ASB10: variants seen among roughly 807,000 people sequenced by gnomAD.
ASB10 encodes ankyrin repeat and SOCS box protein 10.
A neutral mutation model predicts 35.4 loss-of-function variants in ASB10; 44 were observed. The ratio of observed to expected loss-of-function variants is 1.24; its 90% confidence interval spans 0.98 to 1.60. The LOEUF (loss-of-function observed/expected upper bound fraction) is 1.60. Ranked by LOEUF, ASB10 falls within the 40% of genes most tolerant of loss-of-function variation. The pLI, the probability that ASB10 is intolerant of heterozygous loss-of-function variation, is 0.00. For missense variants in ASB10, 647 were observed against 634.3 expected (o/e 1.02, Z -0.22); for synonymous variants, 294 against 280.4 (o/e 1.05, Z -0.49).
chr7:151,187,291 CAT>C, upstream of ASB10: 1 of 1,508,494 alleles, frequency 6.6e-7, no homozygotes, highest in South Asian at 1.3e-5. The surrounding 1 kb of genome is among the most constrained non-coding windows in gnomAD (Gnocchi z 5.3). Flanking sequence ...CTGGGCTCCA[CAT>C]GACTGTGTTC....
At chr7:151,182,545 T>C (rs1035398711) in intron 2 of ASB10, among the ~76,000 whole-genome samples, 18 of 151,954 alleles carry the variant, frequency 1.2e-4, no homozygotes, top group Admixed American at 5.2e-4. Context: ...GCCACTACAC[T>C]CCAGCTTGGG....
rs1266621360 is a variant in ASB10, at chr7:151,186,545, C to T, written c.431G>A (p.Ser144Asn). ...LLLRRRARPDSAPGGRTALHE... is the reference protein window; with the variant it reads ...LLLRRRARPDNAPGGRTALHE... ...CAGGGCGGTGCGGCCCCCAGGGGCA[C>T]TGTCTGGCCTTGCTCGCCGCCTCAG... Residue 144 changes from serine (S) to asparagine (N), a missense_variant, in exon 2 of 6, where the codon AGT becomes AAT. Transcript: ENST00000420175. The T allele has an allele frequency of 1.2e-6, 2 of 1,604,226 alleles. No individual in the cohort carries two copies. Among genetic ancestry groups the T allele is most frequent in the Non-Finnish European group, 8.5e-7 (1 of 1,176,160 alleles).
Position 151,186,512 on chromosome 7 carries a change from G to T in ASB10, c.464C>A (p.Ala155Asp), listed in dbSNP as rs2150560501. The T allele has an allele frequency of 6.2e-7, 1 of 1,602,728 alleles. No individual in the cohort carries two copies. Among genetic ancestry groups the T allele is most frequent in the South Asian group, 1.1e-5 (1 of 89,346 alleles). ...APGGRTALHE[A>D]CAAGHTACVH... ...ACAGGCAGTGTGGCCTGCAGCACAGGCCTCGTGCAGGGCGGTGCGGCCCCC... is the reference window on the plus strand; with the variant it reads ...ACAGGCAGTGTGGCCTGCAGCACAGTCCTCGTGCAGGGCGGTGCGGCCCCC... Residue 155 changes from alanine (A) to aspartate (D), a missense_variant, in exon 2 of 6, where the codon GCC becomes GAC. Ala to Asp is a moderately radical substitution (Grantham distance 126). Coordinates refer to ENST00000420175, the MANE Select transcript of ASB10 (RefSeq NM_001142459.2).
Position 151,176,161 on chromosome 7 carries a change from G to A in ASB10, c.1355C>T (p.Pro452Leu), listed in dbSNP as rs767432866. The stretch of plus-strand genomic sequence containing the variant: ...CAGCTGCAGGTAGCGGAGCAGGCGC[G>A]GTGGCAGGGGGAGGCGGGGCAGCGC... ...PQALPRLPLPPRLLRYLQLDF... is the reference protein window; with the variant it reads ...PQALPRLPLPLRLLRYLQLDF... The change falls in exon 5 of 6, where the codon CCG becomes CTG. Residue 452 changes from proline to leucine, a missense_variant. Pro to Leu is a moderately conservative substitution (Grantham distance 98). Transcript: ENST00000420175. 1.4e-5 allele frequency: 23 copies of A among 1,611,734 alleles called. No homozygotes were observed. Among genetic ancestry groups the A allele is most frequent in the South Asian group, 5.5e-5 (5 of 91,020 alleles).
At chr7:151,178,537 T>G (rs1317611255) in intron 3 of ASB10, among the ~76,000 whole-genome samples, 1 of 152,224 alleles carries the variant, frequency 6.6e-6, no homozygotes, top group Non-Finnish European at 1.5e-5. Flanking sequence ...CACAGAGCCT[T>G]TTGAGATCTG....
intron 2 of ASB10, among the ~76,000 whole-genome samples, chr7:151,184,398 G>T (rs1243845598): frequency 1.8e-5 from 2 of 111,388 alleles, no homozygotes; most frequent in Non-Finnish European, 3.6e-5. Context: ...GGGCGACAGA[G>T]TAAAAAAAAA....
chr7:151,183,486 C>T (rs547204046), intron 2 of ASB10, among the ~76,000 whole-genome samples: 56 of 152,226 alleles, frequency 3.7e-4, no homozygotes, highest in Non-Finnish European at 6.9e-4. Flanking sequence ...CCACTCACTG[C>T]AACCTCCGCC....
Position 151,187,062 on chromosome 7 carries a change from G to C in ASB10, c.69C>G (p.Leu23=), listed in dbSNP as rs777732135. The C allele has an allele frequency of 9.3e-6, 15 of 1,609,940 alleles. No individual in the cohort carries two copies. The Admixed American group carries it at 2.5e-4, about 27-fold the overall frequency. ...QGEPLDDRHP[L]CARLVEKPSR... ...TGGGCTTCTCCACCAGCCTGGCACA[G>C]AGGGGGTGTCTGTCATCGAGGGGCT... Residue 23 remains leucine, a synonymous_variant, in exon 1 of 6, where the codon CTC becomes CTG. Coordinates refer to ENST00000420175, the MANE Select transcript of ASB10 (RefSeq NM_001142459.2). The surrounding 1 kb of genome is among the most constrained non-coding windows in gnomAD (Gnocchi z 5.3).
intron 3 of ASB10, among the ~76,000 whole-genome samples, chr7:151,177,565 A>T (rs1411823410): frequency 2.1e-5 from 3 of 145,228 alleles, no homozygotes; most frequent in Admixed American, 2.0e-4. Context: ...ATCCAATGCC[A>T]AGTGAGGGTA....
intron 3 of ASB10, among the ~76,000 whole-genome samples, chr7:151,178,093 C>G (rs1801422229): frequency 6.6e-6 from 1 of 152,116 alleles, no homozygotes; most frequent in Non-Finnish European, 1.5e-5. Flanking sequence ...ACTAAAAATA[C>G]AAAAATTAGC....
intron 2 of ASB10, among the ~76,000 whole-genome samples, chr7:151,182,379 A>G (rs2150558257): frequency 6.6e-6 from 1 of 152,254 alleles, no homozygotes; most frequent in East Asian, 1.9e-4. Flanking sequence ...GGAGTTTGAG[A>G]CCAGCCTGGC....
At chr7:151,176,836 T>C (rs1301343561) in intron 3 of ASB10, among the ~76,000 whole-genome samples, 160 bp from the exon 4 acceptor site, 1 of 152,232 alleles carries the variant, frequency 6.6e-6, no homozygotes, top group Non-Finnish European at 1.5e-5. Context: ...ATAGGGTCTT[T>C]GCAAATGTTA....
intron 3 of ASB10, among the ~76,000 whole-genome samples, chr7:151,178,624 G>A (rs548396916): frequency 1.3e-5 from 2 of 152,330 alleles, no homozygotes; most frequent in African/African-American, 4.8e-5. Flanking sequence ...GCATCTAGCG[G>A]TGGGGGTTTA....
intron 2 of ASB10, among the ~76,000 whole-genome samples, chr7:151,182,471 G>T (rs1156460760): frequency 1.3e-5 from 2 of 152,090 alleles, no homozygotes; most frequent in African/African-American, 2.4e-5. Flanking sequence ...CCAGCTACTT[G>T]GGAGGCTGAG....
intron 5 of ASB10, 69 bp from the exon 6 acceptor site, chr7:151,176,035 T>A: frequency 6.6e-7 from 1 of 1,526,236 alleles, no homozygotes; most frequent in Non-Finnish European, 8.9e-7. Flanking sequence ...GCTAGGGCCC[T>A]CCCCAACCCT....
At chr7:151,185,729 C>T (rs553019275) in intron 2 of ASB10, among the ~76,000 whole-genome samples, 6 of 152,336 alleles carry the variant, frequency 3.9e-5, no homozygotes, top group East Asian at 1.9e-4. Context: ...CATCCTACAA[C>T]GTTCCTTACA....
At chr7:151,178,701 G>A (rs1044003349) in intron 3 of ASB10, among the ~76,000 whole-genome samples, 4 of 152,202 alleles carry the variant, frequency 2.6e-5, no homozygotes, top group Admixed American at 1.3e-4. Context: ...TGAGCAGTGG[G>A]AGCAGAAGGC....
At chr7:151,181,763 C>G (rs1226908126) in intron 2 of ASB10, among the ~76,000 whole-genome samples, 4 of 152,076 alleles carry the variant, frequency 2.6e-5, no homozygotes, top group Non-Finnish European at 4.4e-5. Flanking sequence ...CAGGCTCCCA[C>G]CACCACGCCC....
At position 151,186,808 on chromosome 7, in the gene ASB10, C is replaced by T. The variant is rs138011644; in HGVS notation, c.316+7G>A. On this transcript the variant is annotated splice_region_variant and intron_variant, in intron 1 of 5. Coordinates refer to ENST00000420175, the MANE Select transcript of ASB10 (RefSeq NM_001142459.2). Reference sequence around the variant, plus strand: ...CCACTGAGAGCCCCCAGTGCCCCGGCCCGTACTCAGAGCACGGATGTTGAA... The same window carrying T: ...CCACTGAGAGCCCCCAGTGCCCCGGTCCGTACTCAGAGCACGGATGTTGAA... 8.0e-4 allele frequency: 1,266 copies of T among 1,580,882 alleles called. 15 individuals are homozygous for T. The African/African-American group carries it at 0.014, about 18-fold the overall frequency.
Sources: allele counts gnomAD v4.1 joint callset (sites outside exome capture counted in the v4.1 genomes callset), GRCh38; gene constraint gnomAD v4.1.1; non-coding constraint Gnocchi (gnomAD v3.1); transcripts MANE v1.5; gene names NCBI Gene and HGNC (gene_info 2026-07-23, HGNC 2026-07-21).